The following BMP15 variants were observed in gnomAD, a reference collection of about 807,000 sequenced individuals.
BMP15 encodes bone morphogenetic protein 15.
In BMP15, 5 loss-of-function variants were observed where a neutral mutation model predicts 4.4. That is an observed-to-expected ratio of 1.13 (90% CI 0.59 to 2.38). The LOEUF is 2.38. Ranked by LOEUF, BMP15 falls within the 30% of genes most tolerant of loss-of-function variation. BMP15 has a pLI of 0.01. For synonymous variants in BMP15, 125 were observed against 114.6 expected (o/e 1.09, Z -0.58); for missense variants, 339 against 309.8 (o/e 1.09, Z -0.71).
Position 50,911,074 on chromosome X carries a change from G to GTTC in BMP15, c.291_292insTTC (p.Leu97_Val98insPhe). On this transcript the variant is annotated inframe_insertion, in exon 1 of 2. Transcript: ENST00000252677. ...CCATTGGGGCCACCATGGTGAGGCT[G>GTTC]GTGAAGCCCTTGACCAATGTGGCAA... 2 of 1,193,006 alleles carry GTTC rather than the reference G, an allele frequency of 1.7e-6. No individual in the cohort carries two copies. Among genetic ancestry groups the GTTC allele is most frequent in the Non-Finnish European group, 2.3e-6 (2 of 885,990 alleles).
chrX:50,916,156 T>G lies in BMP15; in HGVS notation c.728T>G (p.Ile243Ser), dbSNP rs782012739. The change falls in exon 2 of 2, where the codon ATT becomes AGT. Residue 243 changes from isoleucine (I) to serine (S), a missense_variant. Ile to Ser is a moderately radical substitution (Grantham distance 142). Coordinates refer to ENST00000252677, the MANE Select transcript of BMP15 (RefSeq NM_005448.2). Reference protein sequence around the residue: ...LLYFNDTHKSIRKAKFLPRGM... With the variant: ...LLYFNDTHKSSRKAKFLPRGM... ...TATTTCAATGATACTCATAAAAGCA[T>G]TCGGAAGGCTAAATTTCTTCCCAGG... 2.6e-5 allele frequency: 31 copies of G among 1,211,531 alleles called. No individual in the cohort carries two copies. The East Asian group carries it at 8.9e-4, about 35-fold the overall frequency.
chrX:50,915,734 C>A (rs1557280267), intron 1 of BMP15, 23 bp from the exon 2 acceptor site: 1 of 1,211,021 alleles, frequency 8.3e-7, no homozygotes, highest in South Asian at 1.8e-5. Flanking sequence ...AACCTCTGCT[C>A]TTGTTCCCTC....
At position 50,915,834 on chromosome X, in the gene BMP15, G is replaced by A. The variant is rs1387861526; in HGVS notation, c.406G>A (p.Val136Ile). 4 of 1,211,344 alleles carry A rather than the reference G, an allele frequency of 3.3e-6. No individual in the cohort carries two copies. Among genetic ancestry groups the A allele is most frequent in the Non-Finnish European group, 4.5e-6 (4 of 895,409 alleles). The change falls in exon 2 of 2, where the codon GTT becomes ATT. Residue 136 changes from valine to isoleucine, a missense_variant. Transcript: ENST00000252677. ...ATACCAACTAGTTAGAGCCACTGTG[G>A]TTTACCGCCATCATCTCCAACTAAC... ...GLYQLVRATV[V>I]YRHHLQLTRF...
In BMP15 at chrX:50,911,007, G is replaced by A. The variant is rs782405435; in HGVS notation, c.224G>A (p.Arg75Gln). 4.6e-5 allele frequency: 55 copies of A among 1,193,845 alleles called. No individual in the cohort carries two copies. Among genetic ancestry groups the A allele is most frequent in the East Asian group, 6.1e-5 (2 of 32,804 alleles). Residue 75 changes from arginine to glutamine, a missense_variant, in exon 1 of 2, where the codon CGG (arginine) becomes CAG (glutamine). By Grantham distance (43) the Arg-to-Gln change is conservative. Coordinates refer to ENST00000252677, the MANE Select transcript of BMP15 (RefSeq NM_005448.2). ...CTGCGGTACATGCTGGAGTTGTACC[G>A]GCGTTCAGCTGACTCGCATGGGCAC... The part of the protein sequence containing the change: ...HSLRYMLELY[R>Q]RSADSHGHPR...
Position 50,916,586 on chromosome X carries a change from T to C in BMP15, c.1158T>C (p.Ala386=), listed in dbSNP as rs1923145240. 8.3e-7 allele frequency: 1 copy of C among 1,209,391 alleles called. No homozygotes were observed. Among genetic ancestry groups the C allele is most frequent in the African/African-American group, 1.8e-5 (1 of 56,976 alleles). Residue 386 remains alanine (A), a synonymous_variant, in exon 2 of 2, where the codon GCT becomes GCC. Transcript: ENST00000252677. ...ACAAGGAGTATGAGGGTATGATTGCTGAGTCTTGTACATGCAGATGACAGC... is the reference window on the plus strand; with the variant it reads ...ACAAGGAGTATGAGGGTATGATTGCCGAGTCTTGTACATGCAGATGACAGC... ...ILYKEYEGMI[A]ESCTCR is the part of the protein sequence containing the mutation.
chrX:50,916,200 G>A lies in BMP15; in HGVS notation c.772G>A (p.Glu258Lys). ...FLPRGMEEFM[E>K]RESLLRRTRQ... Reference sequence around the variant, plus strand: ...TCCCAGGGGCATGGAGGAGTTCATGGAAAGGGAATCTCTTCTCCGGAGAAC... The same window carrying A: ...TCCCAGGGGCATGGAGGAGTTCATGAAAAGGGAATCTCTTCTCCGGAGAAC... The change falls in exon 2 of 2, where the codon GAA (glutamate) becomes AAA (lysine). Residue 258 changes from glutamate (E) to lysine (K), a missense_variant. Transcript: ENST00000252677. 8.3e-7 allele frequency: 1 copy of A among 1,203,119 alleles called. No individual in the cohort carries two copies. Among genetic ancestry groups the A allele is most frequent in the Middle Eastern group, 2.3e-4 (1 of 4,348 alleles).
chrX:50,913,161 A>C (rs782661298), intron 1 of BMP15, among the ~76,000 whole-genome samples: 9 of 111,500 alleles, frequency 8.1e-5, no homozygotes, highest in African/African-American at 2.9e-4. Flanking sequence ...AGAGCAGCAG[A>C]AAGTTGCAAA....
At chrX:50,913,546 A>G (rs1021086788) in intron 1 of BMP15, among the ~76,000 whole-genome samples, 15 of 111,846 alleles carry the variant, frequency 1.3e-4, no homozygotes, top group Non-Finnish European at 2.4e-4. Flanking sequence ...GCCTAGAATT[A>G]GACATGTATC....
Position 50,911,052 on chromosome X carries a change from T to C in BMP15, c.269T>C (p.Ile90Thr), listed in dbSNP as rs377085803. ...SHGHPRENRTIGATMVRLVKP... is the reference protein window; with the variant it reads ...SHGHPRENRTTGATMVRLVKP... ...GGGCACCCTAGAGAGAACCGCACCA[T>C]TGGGGCCACCATGGTGAGGCTGGTG... is the stretch of plus-strand genomic sequence containing the variant. Residue 90 changes from isoleucine (I) to threonine (T), a missense_variant, in exon 1 of 2, where the codon ATT (isoleucine) becomes ACT (threonine). By Grantham distance (89) the Ile-to-Thr change is moderately conservative. Coordinates refer to ENST00000252677, the MANE Select transcript of BMP15 (RefSeq NM_005448.2). The C allele has an allele frequency of 1.7e-5, 20 of 1,196,778 alleles. No homozygotes were observed. The highest frequency in any genetic ancestry group is 2.2e-5 in the Admixed American group (1 of 44,464).
chrX:50,916,075 G>A lies in BMP15; in HGVS notation c.647G>A (p.Gly216Asp), dbSNP rs782585239. ...RFMCQQQKDS[G>D]GLELWHGTSS... is the part of the protein sequence containing the mutation. ...ATGTGTCAGCAGCAAAAAGATAGTG[G>A]TGGTCTTGAGCTCTGGCATGGCACT... Residue 216 changes from glycine to aspartate, a missense_variant, in exon 2 of 2, where the codon GGT becomes GAT. By Grantham distance (94) the Gly-to-Asp change is moderately conservative (BLOSUM62 -1). Coordinates refer to ENST00000252677, the MANE Select transcript of BMP15 (RefSeq NM_005448.2). 1 of 1,211,956 alleles carries A rather than the reference G, an allele frequency of 8.3e-7. No homozygotes were observed. The highest frequency in any genetic ancestry group is 1.8e-5 in the South Asian group (1 of 57,000).
Position 50,910,945 on chromosome X carries a change from C to T in BMP15, c.162C>T (p.Gly54=), listed in dbSNP as rs149633402. 98 of 1,192,935 alleles carry T rather than the reference C, an allele frequency of 8.2e-5. No homozygotes were observed. The Middle Eastern group carries it at 1.7e-3, about 20-fold the overall frequency. ...AGGAGCTGCTAGAAGAATCCCCTGGCGAACAGCCAAGGAAGCCCCGGCTCC... is the reference window on the plus strand; with the variant it reads ...AGGAGCTGCTAGAAGAATCCCCTGGTGAACAGCCAAGGAAGCCCCGGCTCC... ...LIEELLEESP[G]EQPRKPRLLG... The change falls in exon 1 of 2, where the codon GGC becomes GGT. Residue 54 remains glycine (G), a synonymous_variant. Transcript: ENST00000252677.
Position 50,910,826 on chromosome X carries a change from C to T in BMP15, c.43C>T (p.Leu15Phe). 2 of 1,209,637 alleles carry T rather than the reference C, an allele frequency of 1.7e-6. No individual in the cohort carries two copies. The highest frequency in any genetic ancestry group is 2.2e-6 in the Non-Finnish European group (2 of 894,398). ...SILRILFLCE[L>F]VLFMEHRAQM... ...TCTTAGAATTCTTTTTCTTTGTGAA[C>T]TCGTGCTTTTCATGGAACACAGGGC... Residue 15 changes from leucine to phenylalanine, a missense_variant, in exon 1 of 2, where the codon CTC becomes TTC. Coordinates refer to ENST00000252677, the MANE Select transcript of BMP15 (RefSeq NM_005448.2).
At chrX:50,913,470 A>AG (rs1186490147) in intron 1 of BMP15, among the ~76,000 whole-genome samples, 1 of 111,200 alleles carries the variant, frequency 9.0e-6, no homozygotes, top group Non-Finnish European at 1.9e-5. Context: ...AGGAAAAAAA[A>AG]CAACAACCCC....
In BMP15 at chrX:50,916,449, C is replaced by G; in HGVS notation, c.1021C>G (p.Gln341Glu). 6 of 1,211,503 alleles carry G rather than the reference C, an allele frequency of 5.0e-6. No homozygotes were observed. Among genetic ancestry groups the G allele is most frequent in the Non-Finnish European group, 6.7e-6 (6 of 895,436 alleles). ...CAATTCCCCCAATCACGCCATTATT[C>G]AGAACCTTATCAATCAGTTGGTGGA... ...GLNSPNHAIIQNLINQLVDQS... is the reference protein window; with the variant it reads ...GLNSPNHAIIENLINQLVDQS... Residue 341 changes from glutamine to glutamate, a missense_variant, in exon 2 of 2, where the codon CAG (glutamine) becomes GAG (glutamate). Gln to Glu is a conservative substitution (Grantham distance 29). Coordinates refer to ENST00000252677, the MANE Select transcript of BMP15 (RefSeq NM_005448.2).
In BMP15 at chrX:50,915,819, G is replaced by A; in HGVS notation, c.391G>A (p.Val131Ile). Residue 131 changes from valine to isoleucine, a missense_variant, in exon 2 of 2, where the codon GTT becomes ATT. Transcript: ENST00000252677. The part of the protein sequence containing the change: ...LRPNRGLYQL[V>I]RATVVYRHHL... The stretch of plus-strand genomic sequence containing the variant: ...ACCAAACCGAGGACTATACCAACTA[G>A]TTAGAGCCACTGTGGTTTACCGCCA... The A allele has an allele frequency of 8.3e-7, 1 of 1,211,387 alleles. No individual in the cohort carries two copies. The highest frequency in any genetic ancestry group is 1.1e-6 in the Non-Finnish European group (1 of 895,387).
Position 50,915,716 on chromosome X carries a change from A to G in BMP15, c.329-41A>G, listed in dbSNP as rs143741105. On this transcript the variant is annotated intron_variant, in intron 1 of 1. Transcript: ENST00000252677. ...TGAGGAATATTCATGTTAAGAGGTA[A>G]GAAGCTAAACCTCTGCTCTTGTTCC... 1.8e-3 allele frequency: 2,129 copies of G among 1,206,670 alleles called. 30 individuals carry two copies. In the African/African-American group the frequency reaches 0.032, roughly 18 times the overall value.
At chrX:50,914,410 C>T (rs1923082816) in intron 1 of BMP15, among the ~76,000 whole-genome samples, 1 of 112,156 alleles carries the variant, frequency 8.9e-6, no homozygotes, top group Non-Finnish European at 1.9e-5. Flanking sequence ...ATGGCAAAAC[C>T]CTGTCTCTAC....
At chrX:50,913,279 A>G (rs1557280094) in intron 1 of BMP15, among the ~76,000 whole-genome samples, 1 of 110,890 alleles carries the variant, frequency 9.0e-6, no homozygotes, top group Non-Finnish European at 1.9e-5. Flanking sequence ...ATAAAAATAC[A>G]TTAGCTGGGT....
At chrX:50,911,393 A>T (rs1191476074) in intron 1 of BMP15, among the ~76,000 whole-genome samples, 3 of 112,389 alleles carry the variant, frequency 2.7e-5, no homozygotes, top group African/African-American at 9.7e-5. Context: ...TTTCACAGAA[A>T]CTTTTATTGC....
Sources: gnomAD v4.1 joint callset for allele counts (sites outside exome capture counted in the v4.1 genomes callset) on GRCh38, gnomAD v4.1.1 for gene constraint, MANE v1.5 for transcripts, NCBI Gene and HGNC (gene_info 2026-07-23, HGNC 2026-07-21) for gene names.